The following TMTC1 variants were observed in gnomAD, a reference collection of about 807,000 sequenced individuals.
TMTC1 encodes transmembrane O-mannosyltransferase targeting cadherins 1.
A neutral mutation model predicts 104.8 loss-of-function variants in TMTC1; 73 were observed. The observed-to-expected ratio is 0.70, with a 90% CI of 0.58 to 0.85. The LOEUF (loss-of-function observed/expected upper bound fraction) is 0.85. TMTC1 is among the 40% of genes least tolerant of loss of function. The probability of loss-of-function intolerance (pLI) is 0.00; values close to 1 mark genes in which losing one functional copy is unlikely to be tolerated. For missense variants in TMTC1, 1,035 were observed against 1,096.1 expected, an observed-to-expected ratio of 0.94 and a Z score of 0.79; for synonymous variants, 434 against 428.7, an observed-to-expected ratio of 1.01 and a Z score of -0.15.
rs769401197 is a variant in TMTC1, at chr12:29,520,605, T to C, written c.1888+13A>G. On this transcript the variant is annotated intron_variant, in intron 12 of 17. Transcript: ENST00000539277. ...TAATCTCAGCAGTACAGTTTCTCTT[T>C]AATTTCACTTACCAGTATCAACTAA... 2.5e-6 allele frequency: 4 copies of C among 1,597,176 alleles called. No homozygotes were observed. Among genetic ancestry groups the C allele is most frequent in the South Asian group, 1.1e-5 (1 of 89,774 alleles).
intron 2 of TMTC1, 88 bp from the exon 3 acceptor site, chr12:29,758,865 T>C: frequency 8.6e-7 from 1 of 1,161,548 alleles, no homozygotes; most frequent in African/African-American, 1.6e-5. Context: ...ATGTATTTGT[T>C]GTTAGATAAA....
At chr12:29,720,181 T>C (rs1317606486) in intron 5 of TMTC1, among the ~76,000 whole-genome samples, 4 of 152,208 alleles carry the variant, frequency 2.6e-5, no homozygotes, top group Admixed American at 6.5e-5. Context: ...AAAGGAGTGG[T>C]ATTATCCCAG....
At chr12:29,582,327 A>C (rs752582856) in intron 8 of TMTC1, among the ~76,000 whole-genome samples, 2 of 152,144 alleles carry the variant, frequency 1.3e-5, no homozygotes, top group African/African-American at 4.8e-5. Flanking sequence ...TCACTTTGAG[A>C]AGTCTGGGTG....
At chr12:29,581,960 A>G (rs891779595) in intron 8 of TMTC1, among the ~76,000 whole-genome samples, 4 of 152,160 alleles carry the variant, frequency 2.6e-5, no homozygotes, top group Admixed American at 2.6e-4. Flanking sequence ...GTGATTTTGC[A>G]GATCTGTGTG....
intron 5 of TMTC1, among the ~76,000 whole-genome samples, chr12:29,685,233 T>A (rs1252071417): frequency 1.3e-5 from 2 of 151,828 alleles, no homozygotes; most frequent in Admixed American, 1.3e-4. Context: ...TAAAAAAAAA[T>A]TCCCAGGCAC....
chr12:29,615,936 C>CA (rs1946965998), intron 6 of TMTC1, among the ~76,000 whole-genome samples: 1 of 152,156 alleles, frequency 6.6e-6, no homozygotes, highest in Non-Finnish European at 1.5e-5. Context: ...GTGACCCAGG[C>CA]ACCTTTGTAT....
At chr12:29,739,795 G>A (rs555507287) in intron 5 of TMTC1, among the ~76,000 whole-genome samples, 75 of 151,172 alleles carry the variant, frequency 5.0e-4, no homozygotes, top group Middle Eastern at 3.5e-3. Context: ...TGCAACCTCC[G>A]CCTCTCAGGT....
At chr12:29,693,533 C>T (rs983197823) in intron 5 of TMTC1, among the ~76,000 whole-genome samples, 1 of 152,126 alleles carries the variant, frequency 6.6e-6, no homozygotes, top group Non-Finnish European at 1.5e-5. Flanking sequence ...GTTCCCCACC[C>T]GTTCCCAGCC....
intron 5 of TMTC1, among the ~76,000 whole-genome samples, chr12:29,750,906 C>A (rs2136969956): frequency 6.6e-6 from 1 of 152,370 alleles, no homozygotes; most frequent in Admixed American, 6.5e-5. Context: ...CAAATATTTC[C>A]TTTGCTCTGT....
intron 5 of TMTC1, among the ~76,000 whole-genome samples, chr12:29,698,646 C>T (rs1941493950): frequency 6.6e-6 from 1 of 152,192 alleles, no homozygotes; most frequent in Non-Finnish European, 1.5e-5. Flanking sequence ...GCCTCATTCC[C>T]CCCAAACAGT....
rs78142187 is a variant in TMTC1, at chr12:29,718,084, G to A, written c.938+33582C>T. On this transcript the variant is annotated intron_variant, in intron 5 of 17. Coordinates refer to ENST00000539277, the MANE Select transcript of TMTC1 (RefSeq NM_001193451.2). ...TGCTAATGGCGAAGTATCTTGTATTGAACCAACACACTCACCAAAACAAAC... is the reference window on the plus strand; with the variant it reads ...TGCTAATGGCGAAGTATCTTGTATTAAACCAACACACTCACCAAAACAAAC... Among the ~76,000 whole-genome samples the A allele has an allele frequency of 7.2e-5, 11 of 152,156 alleles. No homozygotes were observed. In the East Asian group the frequency reaches 2.1e-3, roughly 29 times the overall value.
chr12:29,695,546 C>T (rs1050831553), intron 5 of TMTC1, among the ~76,000 whole-genome samples: 2 of 151,868 alleles, frequency 1.3e-5, no homozygotes, highest in African/African-American at 4.8e-5. Flanking sequence ...ACCTTGTGAT[C>T]TGGCCGCCTC....
At position 29,783,431 on chromosome 12, in the gene TMTC1, C is replaced by A; in HGVS notation, c.302+19G>T. ...GGGTAGAGGAGGCAGCGGCGGCTAGCGCGAGGTGAGGGACTCACTTGAAGG... is the reference window on the plus strand; with the variant it reads ...GGGTAGAGGAGGCAGCGGCGGCTAGAGCGAGGTGAGGGACTCACTTGAAGG... On this transcript the variant is annotated intron_variant, in intron 1 of 17. Transcript: ENST00000539277. This position sits in a 1 kb window ranked among gnomAD's most constrained non-coding sequence, Gnocchi z 4.7. 1 of 1,288,308 alleles carries A rather than the reference C, an allele frequency of 7.8e-7. No individual in the cohort carries two copies. Among genetic ancestry groups the A allele is most frequent in the East Asian group, 3.1e-5 (1 of 31,972 alleles). The allele number at this position is 1,288,308 out of a possible 1,614,324, so 79.8% of individuals were successfully genotyped here.
At chr12:29,529,245 C>T (rs1371615032) in intron 11 of TMTC1, among the ~76,000 whole-genome samples, 1 of 152,090 alleles carries the variant, frequency 6.6e-6, no homozygotes, top group African/African-American at 2.4e-5. Flanking sequence ...CCCTGGGGGT[C>T]TCCAGTCAAC....
intron 5 of TMTC1, among the ~76,000 whole-genome samples, chr12:29,681,171 AT>A (rs1312866502): frequency 1.3e-5 from 2 of 152,092 alleles, no homozygotes; most frequent in Non-Finnish European, 2.9e-5. Context: ...AACTGAAGTC[AT>A]ATAAAGTAAC....
intron 12 of TMTC1, chr12:29,519,577 G>A (rs1944089876): frequency 6.6e-6 from 1 of 152,126 alleles, no homozygotes; most frequent in Admixed American, 6.5e-5. Context: ...ATACAAGTTT[G>A]ACTAGGAGGT....
In TMTC1 at chr12:29,516,231, C is replaced by T; in HGVS notation, c.2307+118G>A. 4 of 1,284,532 alleles carry T rather than the reference C, an allele frequency of 3.1e-6. No homozygotes were observed. The South Asian group carries it at 6.2e-5, about 20-fold the overall frequency. The allele number at this position is 1,284,532 out of a possible 1,614,324, so 79.6% of individuals were successfully genotyped here. On this transcript the variant is annotated intron_variant, in intron 15 of 17. Transcript: ENST00000539277. ...AAAAGTTTCCAAGAGATAGGATATG[C>T]TGACGGATAAGATTTAAGATTTCCC...
chr12:29,514,092 C>G (rs79302179), intron 16 of TMTC1, among the ~76,000 whole-genome samples: 3,410 of 152,134 alleles, frequency 0.022, 52 homozygotes, highest in South Asian at 0.056. Flanking sequence ...GAGTGGAAAT[C>G]TCATCCTCCA....
chr12:29,531,658 C>T (rs747858388), intron 11 of TMTC1, among the ~76,000 whole-genome samples: 1 of 152,156 alleles, frequency 6.6e-6, no homozygotes, highest in African/African-American at 2.4e-5. Context: ...GTTCTGAATG[C>T]TGATGGAGAA....
Sources: allele counts gnomAD v4.1 joint callset (sites outside exome capture counted in the v4.1 genomes callset), GRCh38; gene constraint gnomAD v4.1.1; non-coding constraint Gnocchi (gnomAD v3.1); transcripts MANE v1.5; gene names NCBI Gene and HGNC (gene_info 2026-07-23, HGNC 2026-07-21).